Variants in ARHGAP10 observed in about 807,000 individuals in gnomAD.
ARHGAP10 encodes the protein rho GTPase-activating protein 10.
In ARHGAP10, 87 loss-of-function variants were observed where a neutral mutation model predicts 108.6. The observed-to-expected ratio is 0.80, with a 90% CI of 0.67 to 0.96. The LOEUF (loss-of-function observed/expected upper bound fraction) is 0.96. Among genes scored for constraint, ARHGAP10 ranks in the 40% least tolerant of loss-of-function variants. ARHGAP10 has a pLI of 0.00. For missense variants in ARHGAP10, 939 were observed against 954.5 expected (o/e 0.98, Z 0.21); for synonymous variants, 347 against 341.1 (o/e 1.02, Z -0.19).
intron 13 of ARHGAP10, among the ~76,000 whole-genome samples, chr4:147,934,515 G>A (rs951834228): frequency 2.6e-5 from 4 of 152,218 alleles, no homozygotes; most frequent in Non-Finnish European, 5.9e-5. Context: ...GATTTTGGGA[G>A]TTGTGACTAA....
intron 10 of ARHGAP10, among the ~76,000 whole-genome samples, chr4:147,897,328 C>T (rs1736033739): frequency 6.6e-6 from 1 of 151,700 alleles, no homozygotes; most frequent in Admixed American, 6.6e-5. Flanking sequence ...GTCTTGAACT[C>T]CTGACTTCAA....
intron 9 of ARHGAP10, among the ~76,000 whole-genome samples, chr4:147,879,573 C>A (rs1397556454): frequency 6.7e-6 from 1 of 149,656 alleles, no homozygotes; most frequent in South Asian, 2.1e-4. Context: ...TTTTTAAGTT[C>A]TGGGATACAT....
In ARHGAP10 at chr4:147,873,189, A is replaced by C. The variant is rs576765421; in HGVS notation, c.703-1832A>C. On this transcript the variant is annotated intron_variant, in intron 7 of 22. Coordinates refer to ENST00000336498, the MANE Select transcript of ARHGAP10 (RefSeq NM_024605.4). ...TTTCCAGGACTGGCGCAGGGAAAGT[A>C]TAAGATGAGCCTAGGGTACCTTATT... Among the ~76,000 whole-genome samples the C allele has an allele frequency of 2.0e-5, 3 of 152,292 alleles. No homozygotes were observed. In the South Asian group the frequency reaches 6.2e-4, roughly 32 times the overall value.
intron 10 of ARHGAP10, among the ~76,000 whole-genome samples, chr4:147,886,354 A>G (rs1465038182): frequency 6.6e-6 from 1 of 152,064 alleles, no homozygotes; most frequent in African/African-American, 2.4e-5. Context: ...TCTTTACCGT[A>G]CCTCAGCCAT....
chr4:148,071,652 A>G lies in ARHGAP10; in HGVS notation c.2273-341A>G. ...AAACAAACAAACAAAAAAAAACACA[A>G]AAAGCTTGAGTTTGACTTTAAGCAG... On this transcript the variant is annotated intron_variant, in intron 22 of 22. Coordinates refer to ENST00000336498, the MANE Select transcript of ARHGAP10 (RefSeq NM_024605.4). Among the ~76,000 whole-genome samples the G allele has an allele frequency of 1.3e-5, 2 of 152,066 alleles. 1 individual carries two copies. Among genetic ancestry groups the G allele is most frequent in the Non-Finnish European group, 2.9e-5 (2 of 68,000 alleles).
intron 6 of ARHGAP10, chr4:147,865,910 T>C (rs986388898): frequency 2.0e-5 from 3 of 152,218 alleles, no homozygotes; most frequent in African/African-American, 7.2e-5. Flanking sequence ...CAAGCCATTG[T>C]TCTAAGTGTT....
chr4:147,791,556 G>GTATATA (rs113021790), intron 1 of ARHGAP10, among the ~76,000 whole-genome samples: 47 of 151,852 alleles, frequency 3.1e-4, no homozygotes, highest in African/African-American at 1.0e-3. Context: ...GTGCGCGCGT[G>GTATATA]TATATATATA....
chr4:147,822,380 G>A (rs2126786085), intron 1 of ARHGAP10, among the ~76,000 whole-genome samples: 1 of 152,342 alleles, frequency 6.6e-6, no homozygotes, highest in South Asian at 2.1e-4. Context: ...CCTAATCACA[G>A]CCTGAACTTC....
Position 147,732,150 on chromosome 4 carries a change from C to T in ARHGAP10, c.-152C>T. On this transcript the variant is annotated 5_prime_UTR_variant, in exon 1 of 23. It adds an upstream start codon to the 5' untranslated region. Transcript: ENST00000336498. ...CTCCGCGCCGCAGGACTCGGCTCTA[C>T]GGGACATGTCCGTGCCGCGCTCGCC... is the stretch of plus-strand genomic sequence containing the variant. The T allele has an allele frequency of 3.3e-6, 2 of 615,172 alleles. No homozygotes were observed. Among genetic ancestry groups the T allele is most frequent in the Non-Finnish European group, 4.8e-6 (2 of 418,140 alleles). 38.1% of individuals were successfully genotyped at this position (615,172 alleles called of 1,614,324 possible).
At chr4:147,911,476 T>C (rs1173079000) in intron 12 of ARHGAP10, among the ~76,000 whole-genome samples, 12 of 152,154 alleles carry the variant, frequency 7.9e-5, no homozygotes, top group African/African-American at 2.7e-4. Context: ...CGTTTTCCTG[T>C]CTCAACCTCC....
At chr4:147,940,399 AAC>A (rs779350375) in intron 14 of ARHGAP10, among the ~76,000 whole-genome samples, 2 of 152,226 alleles carry the variant, frequency 1.3e-5, no homozygotes, top group Non-Finnish European at 2.9e-5. Context: ...CTGTGCTGAT[AAC>A]ACAGTGTTCT....
At chr4:147,877,845 C>T (rs983130256) in intron 8 of ARHGAP10, among the ~76,000 whole-genome samples, 1 of 134,496 alleles carries the variant, frequency 7.4e-6, no homozygotes, top group African/African-American at 3.5e-5. Flanking sequence ...GCTGAGATTA[C>T]AGGCATGAGC....
intron 18 of ARHGAP10, among the ~76,000 whole-genome samples, chr4:148,017,121 T>C (rs533610590): frequency 6.6e-6 from 1 of 151,036 alleles, no homozygotes; most frequent in African/African-American, 2.4e-5. Flanking sequence ...CAAGCAGAAA[T>C]ATAATTGTAC....
At chr4:147,831,260 A>T (rs1732944918) in intron 3 of ARHGAP10, among the ~76,000 whole-genome samples, 1 of 152,230 alleles carries the variant, frequency 6.6e-6, no homozygotes. Context: ...TAAAATAGTG[A>T]TGGAAAGCCT....
In ARHGAP10 at chr4:147,795,570, A is replaced by G. The variant is rs1731284498; in HGVS notation, c.155-27157A>G. On this transcript the variant is annotated intron_variant, in intron 1 of 22. Coordinates refer to ENST00000336498, the MANE Select transcript of ARHGAP10 (RefSeq NM_024605.4). ...AACTTCTGGAGTGTGAGCTCTTTGAAGGTAGGAGCTGTGTAGTATTCACGT... is the reference window on the plus strand; with the variant it reads ...AACTTCTGGAGTGTGAGCTCTTTGAGGGTAGGAGCTGTGTAGTATTCACGT... Among the ~76,000 whole-genome samples, 2 of 152,104 alleles carry G rather than the reference A, an allele frequency of 1.3e-5. 1 individual carries two copies. The highest frequency in any genetic ancestry group is 4.2e-4 in the South Asian group (2 of 4,814).
At chr4:147,891,974 T>C (rs1217729317) in intron 10 of ARHGAP10, among the ~76,000 whole-genome samples, 2 of 152,188 alleles carry the variant, frequency 1.3e-5, no homozygotes, top group African/African-American at 4.8e-5. Context: ...ACACATTTGC[T>C]TGATAAATAA....
chr4:148,015,918 G>C (rs1161357381), intron 18 of ARHGAP10, among the ~76,000 whole-genome samples: 1 of 152,174 alleles, frequency 6.6e-6, no homozygotes, highest in African/African-American at 2.4e-5. Context: ...TCTGCTTATG[G>C]ATAAGTGTAG....
rs181929951 is a variant in ARHGAP10 at position 148,000,766 on chromosome 4, A to G, written c.1717-22497A>G. ...GTTCGTATCCTTCGCCCGCTTTGTG[A>G]TGGGGTTGTTTGTTTTTTTCTTGTA... On this transcript the variant is annotated intron_variant, in intron 18 of 22. Coordinates refer to ENST00000336498, the MANE Select transcript of ARHGAP10 (RefSeq NM_024605.4). Among the ~76,000 whole-genome samples, 172 of 152,034 alleles carry G rather than the reference A, an allele frequency of 1.1e-3. 2 individuals carry two copies. The East Asian group carries it at 0.023, about 20-fold the overall frequency.
At chr4:147,745,459 CA>C (rs1212446164) in intron 1 of ARHGAP10, 1 of 154,200 alleles carries the variant, frequency 6.5e-6, no homozygotes. Context: ...ATGGAAGATT[CA>C]GGGGTCCATC....
Sources: allele counts gnomAD v4.1 joint callset (sites outside exome capture counted in the v4.1 genomes callset), GRCh38; gene constraint gnomAD v4.1.1; transcripts MANE v1.5; gene names NCBI Gene and HGNC (gene_info 2026-07-23, HGNC 2026-07-21).